The following MGAT4C variants were observed in gnomAD, a reference collection of about 807,000 sequenced individuals.
MGAT4C encodes alpha-1,3-mannosyl-glycoprotein 4-beta-N-acetylglucosaminyltransferase C.
MGAT4C carries 19 observed loss-of-function variants against 40.1 expected under a neutral mutation model. That is an observed-to-expected ratio of 0.47 (90% confidence interval 0.33 to 0.70). The LOEUF is 0.70. MGAT4C is among the 30% of genes least tolerant of loss of function. The probability of loss-of-function intolerance (pLI) is 0.02; values close to 1 mark genes in which losing one functional copy is unlikely to be tolerated. For missense variants in MGAT4C, 491 were observed against 563.2 expected (o/e 0.87, Z 1.30); for synonymous variants, 181 against 187.1 (o/e 0.97, Z 0.27).
intron 2 of MGAT4C, among the ~76,000 whole-genome samples, chr12:86,609,043 GC>G (rs1962150991): frequency 6.6e-6 from 1 of 152,114 alleles, no homozygotes; most frequent in African/African-American, 2.4e-5. Flanking sequence ...AAAAGAGCAT[GC>G]CAAAGAAATT....
At chr12:86,305,624 T>A (rs528837765) in intron 4 of MGAT4C, among the ~76,000 whole-genome samples, 21 of 150,438 alleles carry the variant, frequency 1.4e-4, no homozygotes, top group Admixed American at 1.2e-3. Context: ...AGACTCCCCA[T>A]GAACACCAAA....
intron 1 of MGAT4C, among the ~76,000 whole-genome samples, chr12:86,252,266 C>T (rs1952324374): frequency 6.6e-6 from 1 of 151,922 alleles, no homozygotes; most frequent in South Asian, 2.1e-4. Context: ...TTCAAATGGG[C>T]ATTACTAAAG....
intron 3 of MGAT4C, among the ~76,000 whole-genome samples, chr12:86,363,096 A>G (rs1352131423): frequency 6.6e-6 from 1 of 152,106 alleles, no homozygotes; most frequent in Non-Finnish European, 1.5e-5. Context: ...ATTCAAAACT[A>G]TACCTATTTA....
At chr12:86,769,548 A>C (rs1368305917) in intron 1 of MGAT4C, among the ~76,000 whole-genome samples, 1 of 152,242 alleles carries the variant, frequency 6.6e-6, no homozygotes, top group East Asian at 1.9e-4. Context: ...TCATGCTGCT[A>C]TAAAGACATA....
At chr12:86,614,305 T>C (rs938923168) in intron 2 of MGAT4C, among the ~76,000 whole-genome samples, 1 of 152,102 alleles carries the variant, frequency 6.6e-6, no homozygotes, top group Admixed American at 6.6e-5. Context: ...CCGAAGGCTG[T>C]GCAGCATGAC....
At chr12:86,648,710 C>G (rs1056833840) in intron 2 of MGAT4C, among the ~76,000 whole-genome samples, 3 of 151,818 alleles carry the variant, frequency 2.0e-5, no homozygotes, top group African/African-American at 7.2e-5. Flanking sequence ...GTTTAAGCCA[C>G]CCAGTTTATG....
chr12:86,176,288 T>G (rs1361735782), intron 1 of MGAT4C, among the ~76,000 whole-genome samples: 1 of 152,200 alleles, frequency 6.6e-6, no homozygotes, highest in Non-Finnish European at 1.5e-5. Context: ...ACATCCTTTA[T>G]TTCACTACTC....
chr12:86,101,359 G>T (rs1035284948), intron 1 of MGAT4C, among the ~76,000 whole-genome samples: 4 of 151,774 alleles, frequency 2.6e-5, no homozygotes, highest in Admixed American at 6.6e-5. Context: ...TCAAAAGAGG[G>T]CAAGACCATT....
chr12:85,976,951 C>T lies in MGAT4C; in HGVS notation c.*2338G>A, dbSNP rs1425809506. ...ATGCTTTATTTGTCAAGGTGTTTTCCTTAGAAAATTGACCCAGTGTCAACT... is the reference window on the plus strand; with the variant it reads ...ATGCTTTATTTGTCAAGGTGTTTTCTTTAGAAAATTGACCCAGTGTCAACT... On this transcript the variant is annotated 3_prime_UTR_variant, in exon 5 of 5. Transcript: ENST00000611864. 1 of 150,962 alleles carries T rather than the reference C, an allele frequency of 6.6e-6. No individual in the cohort carries two copies. Among genetic ancestry groups the T allele is most frequent in the Admixed American group, 6.6e-5 (1 of 15,094 alleles). The allele number at this position is 150,962 out of a possible 1,614,324, so 9.4% of individuals were successfully genotyped here.
intron 1 of MGAT4C, among the ~76,000 whole-genome samples, chr12:86,227,501 G>A (rs938626783): frequency 6.6e-6 from 1 of 151,842 alleles, no homozygotes; most frequent in Admixed American, 6.6e-5. Context: ...GTGTTTGGAT[G>A]TCACTTCTTT....
At chr12:86,379,554 T>G (rs1955890465) in intron 3 of MGAT4C, among the ~76,000 whole-genome samples, 1 of 152,084 alleles carries the variant, frequency 6.6e-6, no homozygotes, top group Admixed American at 6.6e-5. Context: ...GATTCATGAT[T>G]ATATATCTAC....
chr12:86,420,459 T>C (rs1444797595), intron 3 of MGAT4C, among the ~76,000 whole-genome samples: 4 of 152,112 alleles, frequency 2.6e-5, no homozygotes, highest in African/African-American at 9.7e-5. Flanking sequence ...GTAGCAAGAC[T>C]ATTCATTGGT....
At chr12:86,462,507 G>A (rs545955388) in intron 2 of MGAT4C, among the ~76,000 whole-genome samples, 1 of 152,240 alleles carries the variant, frequency 6.6e-6, no homozygotes, top group South Asian at 2.1e-4. Flanking sequence ...AGAACTAATA[G>A]GATAGATGTA....
intron 2 of MGAT4C, among the ~76,000 whole-genome samples, chr12:86,038,313 A>G (rs904308512): frequency 2.7e-5 from 4 of 149,564 alleles, no homozygotes; most frequent in African/African-American, 9.7e-5. Flanking sequence ...AGCCCTGGAC[A>G]TTATGTCAGA....
chr12:86,179,184 G>A (rs765940488), intron 1 of MGAT4C, among the ~76,000 whole-genome samples: 3 of 152,102 alleles, frequency 2.0e-5, no homozygotes, highest in Non-Finnish European at 4.4e-5. Flanking sequence ...GGGTTTATCA[G>A]GGGTTTCTGC....
chr12:86,621,619 C>T (rs1962640813), intron 2 of MGAT4C, among the ~76,000 whole-genome samples: 1 of 152,124 alleles, frequency 6.6e-6, no homozygotes, highest in African/African-American at 2.4e-5. Context: ...GCTGGGACTA[C>T]AGGTGCACAC....
chr12:86,112,739 G>A (rs938724154), intron 1 of MGAT4C, among the ~76,000 whole-genome samples: 8 of 151,734 alleles, frequency 5.3e-5, no homozygotes, highest in African/African-American at 1.9e-4. Context: ...AACTAGATGT[G>A]TCCTCTGAAA....
intron 1 of MGAT4C, among the ~76,000 whole-genome samples, chr12:86,789,166 C>A (rs927650208): frequency 5.3e-5 from 8 of 152,092 alleles, no homozygotes; most frequent in African/African-American, 1.9e-4. Context: ...CACGACACTT[C>A]TTGCTAACAT....
At chr12:86,349,402 T>C (rs955003226) in intron 3 of MGAT4C, among the ~76,000 whole-genome samples, 1 of 152,152 alleles carries the variant, frequency 6.6e-6, no homozygotes, top group African/African-American at 2.4e-5. Context: ...TGTATTGGTA[T>C]TCCCAACTAT....
Sources: gnomAD v4.1 joint callset for allele counts (sites outside exome capture counted in the v4.1 genomes callset) on GRCh38, gnomAD v4.1.1 for gene constraint, MANE v1.5 for transcripts, NCBI Gene and HGNC (gene_info 2026-07-23, HGNC 2026-07-21) for gene names.